Variants in SIDT1 observed in about 807,000 individuals in gnomAD.
SIDT1 encodes SID1 transmembrane family, member 1.
SIDT1 carries 101 observed loss-of-function variants against 107.5 expected under a neutral mutation model. The ratio of observed to expected loss-of-function variants is 0.94; its 90% CI spans 0.80 to 1.11. The LOEUF is 1.11. Ranked by LOEUF, SIDT1 falls within the 50% of genes least tolerant of loss-of-function variation. SIDT1 has a pLI of 0.00. For missense variants in SIDT1, 1,076 were observed against 1,058.2 expected, an observed-to-expected ratio of 1.02 and a Z score of -0.23; for synonymous variants, 395 against 398.2, an observed-to-expected ratio of 0.99 and a Z score of 0.10.
intron 1 of SIDT1, among the ~76,000 whole-genome samples, chr3:113,554,065 C>T (rs537599839): frequency 6.6e-6 from 1 of 152,116 alleles, no homozygotes; most frequent in East Asian, 1.9e-4. Context: ...AAAAGAAAAG[C>T]AAACCAATGC....
intron 1 of SIDT1, among the ~76,000 whole-genome samples, chr3:113,564,162 G>C (rs902444475): frequency 6.6e-6 from 1 of 152,160 alleles, no homozygotes; most frequent in Non-Finnish European, 1.5e-5. Context: ...TGGTCAGGCT[G>C]GTCTCAAACT....
At chr3:113,631,835 C>T (rs1947097007), downstream of SIDT1, among the ~76,000 whole-genome samples, 1 of 152,208 alleles carries the variant, frequency 6.6e-6, no homozygotes, top group Non-Finnish European at 1.5e-5. Flanking sequence ...ACAAAAAAGA[C>T]TAGATGGATA....
At chr3:113,626,307 C>G (rs554601152) in intron 24 of SIDT1, 92 bp downstream of exon 24, 9 of 802,246 alleles carry the variant, frequency 1.1e-5, no homozygotes, top group Non-Finnish European at 1.0e-5. Flanking sequence ...TTTTTATATT[C>G]CTCTCTAATT....
intron 19 of SIDT1, among the ~76,000 whole-genome samples, chr3:113,613,369 C>A (rs140079695): frequency 1.6e-3 from 243 of 152,344 alleles, no homozygotes; most frequent in Non-Finnish European, 2.7e-3. Context: ...AAGGAGGAGT[C>A]CTTTGGCCCT....
chr3:113,563,132 A>G (rs1173486861), intron 1 of SIDT1, among the ~76,000 whole-genome samples: 1 of 152,212 alleles, frequency 6.6e-6, no homozygotes, highest in Non-Finnish European at 1.5e-5. Context: ...TGGACATGAC[A>G]AGACAGTGGA....
At chr3:113,603,683 A>G (rs1329888163) in intron 12 of SIDT1, among the ~76,000 whole-genome samples, 1 of 152,230 alleles carries the variant, frequency 6.6e-6, no homozygotes, top group Non-Finnish European at 1.5e-5. Flanking sequence ...ACTCCCAATA[A>G]GTTGCCCACA....
At position 113,611,125 on chromosome 3, in the gene SIDT1, T is replaced by C; in HGVS notation, c.1838T>C (p.Met613Thr). 2 of 1,614,066 alleles carry C rather than the reference T, an allele frequency of 1.2e-6. No homozygotes were observed. Among genetic ancestry groups the C allele is most frequent in the Non-Finnish European group, 1.7e-6 (2 of 1,179,968 alleles). ...SAYASFAVVI[M>T]VTVLGVVFGK... is the part of the protein sequence containing the mutation. The stretch of plus-strand genomic sequence containing the variant: ...TATGCCTCCTTTGCTGTGGTCATCA[T>C]GGTCACCGTCCTTGGAGTGGTGCGT... Residue 613 changes from methionine (M) to threonine (T), a missense_variant, in exon 18 of 25, where the codon ATG (methionine) becomes ACG (threonine). Met to Thr is a moderately conservative substitution (Grantham distance 81). Coordinates refer to ENST00000264852, the MANE Select transcript of SIDT1 (RefSeq NM_017699.3).
chr3:113,615,016 C>T (rs765573155), intron 19 of SIDT1: 133 of 1,533,566 alleles, frequency 8.7e-5, no homozygotes, highest in Middle Eastern at 1.7e-4. Flanking sequence ...CTTTCTTACA[C>T]GTCTCTCTTT....
chr3:113,602,348 CTCAGTGCAGACT>C (rs1421513465), intron 11 of SIDT1: 3 of 152,238 alleles, frequency 2.0e-5, no homozygotes, highest in Non-Finnish European at 4.4e-5. Flanking sequence ...AGCATGTGGG[CTCAGTGCAGACT>C]ACTTATTTTT....
chr3:113,584,916 C>A, intron 8 of SIDT1, 147 bp downstream of exon 8: 1 of 667,974 alleles, frequency 1.5e-6, no homozygotes, highest in Non-Finnish European at 2.5e-6. Flanking sequence ...GGAGTCAGAG[C>A]ATTTTGTTAA....
intron 19 of SIDT1, among the ~76,000 whole-genome samples, chr3:113,615,612 A>G (rs1946048541): frequency 6.6e-6 from 1 of 152,266 alleles, no homozygotes; most frequent in African/African-American, 2.4e-5. Context: ...CATGCTCAGT[A>G]GAGCCTAGGG....
At chr3:113,610,903 G>T in intron 17 of SIDT1, 105 bp from the exon 18 acceptor site, 1 of 1,362,772 alleles carries the variant, frequency 7.3e-7, no homozygotes, top group South Asian at 1.3e-5. Context: ...AATAGTCCAT[G>T]GATTGAAGTG....
chr3:113,583,110 T>C (rs533684971), intron 6 of SIDT1, among the ~76,000 whole-genome samples: 1 of 152,364 alleles, frequency 6.6e-6, no homozygotes, highest in South Asian at 2.1e-4. Flanking sequence ...AAACATAGGC[T>C]ATTCACATAT....
chr3:113,624,881 A>G (rs1946737584), intron 23 of SIDT1, among the ~76,000 whole-genome samples: 1 of 152,076 alleles, frequency 6.6e-6, no homozygotes, highest in Non-Finnish European at 1.5e-5. Context: ...ATTCTTTTTT[A>G]TGGCTGAATA....
Position 113,584,864 on chromosome 3 carries a change from T to C in SIDT1, c.907+95T>C, listed in dbSNP as rs1345235508. 3 of 948,948 alleles carry C rather than the reference T, an allele frequency of 3.2e-6. No homozygotes were observed. The East Asian group carries it at 7.6e-5, about 24-fold the overall frequency. The allele number at this position is 948,948 out of a possible 1,614,324, so 58.8% of individuals were successfully genotyped here. A position where few individuals can be genotyped will look rare whatever the true frequency, so the allele number is the denominator to read the frequency against. The stretch of plus-strand genomic sequence containing the variant: ...ACTGTCATCCTTCCAGAGAGAATTG[T>C]CATAAGAAAACTAAAGTATATTTAC... On this transcript the variant is annotated intron_variant, in intron 8 of 24. Transcript: ENST00000264852.
At position 113,612,128 on chromosome 3, in the gene SIDT1, G is replaced by T; in HGVS notation, c.1900G>T (p.Ala634Ser). The change falls in exon 19 of 25, where the codon GCA (alanine) becomes TCA (serine). Residue 634 changes from alanine to serine, a missense_variant. Coordinates refer to ENST00000264852, the MANE Select transcript of SIDT1 (RefSeq NM_017699.3). The part of the protein sequence containing the change: ...NDVWFWVIFS[A>S]IHVLASLALS... ...CGTATGGTTCTGGGTCATCTTCTCT[G>T]CAATCCACGTTCTGGCCTCGCTAGC... The T allele has an allele frequency of 1.2e-6, 2 of 1,614,054 alleles. No individual in the cohort carries two copies. Among genetic ancestry groups the T allele is most frequent in the East Asian group, 4.5e-5 (2 of 44,888 alleles).
At chr3:113,547,160 C>T (rs1374758732) in intron 1 of SIDT1, among the ~76,000 whole-genome samples, 1 of 152,096 alleles carries the variant, frequency 6.6e-6, no homozygotes, top group African/African-American at 2.4e-5. Context: ...AATGGATATG[C>T]TAATTACCCT....
In SIDT1 at chr3:113,544,855, T is replaced by G. The variant is rs367799878; in HGVS notation, c.222+11612T>G. Among the ~76,000 whole-genome samples, 20 of 152,294 alleles carry G rather than the reference T, an allele frequency of 1.3e-4. No individual in the cohort carries two copies. In the East Asian group the frequency reaches 3.7e-3, roughly 28 times the overall value. ...TGGGCCAGGTGCGGCGGCTCAAGCC[T>G]GTAGTCCCAGCATTTTGGGAGGCCA... On this transcript the variant is annotated intron_variant, in intron 1 of 24. Transcript: ENST00000264852.
intron 9 of SIDT1, 90 bp from the exon 10 acceptor site, chr3:113,592,915 A>G (rs564297351): frequency 3.8e-6 from 4 of 1,042,118 alleles, no homozygotes; most frequent in African/African-American, 1.6e-5. Flanking sequence ...AGATCCTAGT[A>G]GACAAATCCG....
Sources: allele counts gnomAD v4.1 joint callset (sites outside exome capture counted in the v4.1 genomes callset), GRCh38; gene constraint gnomAD v4.1.1; transcripts MANE v1.5; gene names NCBI Gene and HGNC (gene_info 2026-07-23, HGNC 2026-07-21).